The following THSD7B variants were observed in gnomAD, a reference collection of about 807,000 sequenced individuals.
The protein encoded by THSD7B is thrombospondin type-1 domain-containing protein 7B.
THSD7B carries 138 observed loss-of-function variants against 213.6 expected under a neutral mutation model. The observed-to-expected ratio is 0.65, with a 90% CI of 0.56 to 0.74. The LOEUF (loss-of-function observed/expected upper bound fraction) is 0.74, where lower values mean the gene tolerates loss of function less well. Ranked by LOEUF, THSD7B falls within the 30% of genes least tolerant of loss-of-function variation. THSD7B has a pLI of 0.00. For missense variants in THSD7B, 1,931 were observed against 1,991.5 expected (o/e 0.97, Z 0.58); for synonymous variants, 742 against 687.0 (o/e 1.08, Z -1.25).
At chr2:137,177,194 A>T (rs1680374731) in intron 7 of THSD7B, among the ~76,000 whole-genome samples, 1 of 152,208 alleles carries the variant, frequency 6.6e-6, no homozygotes, top group Non-Finnish European at 1.5e-5. Flanking sequence ...TGTTTTCCCT[A>T]TGAAAACATA....
chr2:137,124,067 C>T (rs768425523), intron 5 of THSD7B, among the ~76,000 whole-genome samples: 24 of 152,140 alleles, frequency 1.6e-4, no homozygotes, highest in Admixed American at 1.3e-3. Context: ...TCCAGTTGTT[C>T]GCATACACCT....
At chr2:137,075,099 G>A (rs148330432) in intron 3 of THSD7B, among the ~76,000 whole-genome samples, 44 of 152,178 alleles carry the variant, frequency 2.9e-4, no homozygotes, top group African/African-American at 5.3e-4. Flanking sequence ...TCTTTGTGGC[G>A]TTCTGTGTAT....
chr2:137,373,529 A>G (rs1685581466), intron 12 of THSD7B, among the ~76,000 whole-genome samples: 1 of 152,088 alleles, frequency 6.6e-6, no homozygotes, highest in African/African-American at 2.4e-5. Context: ...TCCTTCGCCC[A>G]CTTGTTGATG....
chr2:136,840,013 T>G (rs927554415), intron 1 of THSD7B, among the ~76,000 whole-genome samples: 16 of 152,146 alleles, frequency 1.1e-4, no homozygotes, highest in Non-Finnish European at 2.2e-4. Flanking sequence ...TAAAACCCAG[T>G]TTAGTAAAGG....
intron 15 of THSD7B, among the ~76,000 whole-genome samples, chr2:137,480,803 A>G (rs1688289518): frequency 6.6e-6 from 1 of 152,266 alleles, no homozygotes; most frequent in Admixed American, 6.5e-5. Flanking sequence ...TAAAAAAGAC[A>G]ACCTTGTAAA....
intron 15 of THSD7B, among the ~76,000 whole-genome samples, chr2:137,546,204 G>A (rs1680704891): frequency 2.0e-5 from 3 of 146,540 alleles, no homozygotes; most frequent in Admixed American, 1.4e-4. Flanking sequence ...TGATATTAAT[G>A]CATAATGCTG....
chr2:136,918,846 A>G (rs555661), intron 2 of THSD7B, among the ~76,000 whole-genome samples: 63,564 of 151,746 alleles, frequency 0.42, 15,093 homozygotes, highest in Non-Finnish European at 0.55. Context: ...TCTTTAATTC[A>G]ACATCTTTCC....
At chr2:136,881,245 G>C (rs1223127299) in intron 1 of THSD7B, among the ~76,000 whole-genome samples, 1 of 152,106 alleles carries the variant, frequency 6.6e-6, no homozygotes, top group Non-Finnish European at 1.5e-5. Context: ...ACTACTGTTA[G>C]AGCATCCCTT....
intron 21 of THSD7B, among the ~76,000 whole-genome samples, chr2:137,648,358 T>C (rs1337440784): frequency 2.7e-5 from 4 of 150,766 alleles, no homozygotes; most frequent in African/African-American, 9.8e-5. Context: ...TACCCATTAA[T>C]CAACCTGTCT....
At chr2:137,612,703 T>C (rs1573743110) in intron 17 of THSD7B, among the ~76,000 whole-genome samples, 1 of 152,136 alleles carries the variant, frequency 6.6e-6, no homozygotes, top group Non-Finnish European at 1.5e-5. Context: ...TTTTCTCTCT[T>C]GGCACCTCTT....
chr2:136,921,517 G>A (rs933652798), intron 2 of THSD7B, among the ~76,000 whole-genome samples: 3 of 151,990 alleles, frequency 2.0e-5, no homozygotes, highest in Admixed American at 6.6e-5. Flanking sequence ...GCTAAGCTAA[G>A]GAAGGTGGAA....
chr2:136,969,351 T>C (rs1189157043), intron 2 of THSD7B, among the ~76,000 whole-genome samples: 1 of 152,224 alleles, frequency 6.6e-6, no homozygotes, highest in Non-Finnish European at 1.5e-5. Context: ...TATTTCTAGA[T>C]CTGACTCTCT....
intron 2 of THSD7B, among the ~76,000 whole-genome samples, chr2:136,943,535 A>G (rs1243293199): frequency 6.6e-6 from 1 of 152,146 alleles, no homozygotes; most frequent in African/African-American, 2.4e-5. Context: ...TTGGTAAGCT[A>G]TTAATTATTG....
chr2:137,596,891 C>T (rs1297726072), intron 17 of THSD7B, among the ~76,000 whole-genome samples: 3 of 151,940 alleles, frequency 2.0e-5, no homozygotes, highest in Non-Finnish European at 4.4e-5. Flanking sequence ...CATAATGAGA[C>T]AAGATTATTA....
intron 15 of THSD7B, among the ~76,000 whole-genome samples, chr2:137,458,054 A>AC (rs1229959089): frequency 2.0e-5 from 3 of 152,050 alleles, no homozygotes; most frequent in African/African-American, 4.8e-5. Context: ...AAAAAAACAA[A>AC]AAAAAAGTTA....
rs537312038 is a variant in THSD7B at position 137,535,298 on chromosome 2, G to GA, written c.3139-27913dup. ...AGGAGGTATATGCTGGAACACATAT[G>GA]AAAAAAAAAAGCAAAGGTATTCATA... On this transcript the variant is annotated intron_variant, in intron 15 of 27. Transcript: ENST00000409968. Among the ~76,000 whole-genome samples the GA allele has an allele frequency of 5.7e-4, 83 of 145,242 alleles. 3 individuals carry two copies. In the South Asian group the frequency reaches 0.01, roughly 18 times the overall value.
chr2:137,332,832 G>C (rs1249062668), intron 12 of THSD7B, among the ~76,000 whole-genome samples: 3 of 152,180 alleles, frequency 2.0e-5, no homozygotes, highest in Non-Finnish European at 2.9e-5. Context: ...GTGAAGAGGT[G>C]CCTTCTGCCA....
At chr2:136,767,514 T>A (rs2104895360) in intron 1 of THSD7B, among the ~76,000 whole-genome samples, 2 of 150,778 alleles carry the variant, frequency 1.3e-5, no homozygotes, top group South Asian at 4.2e-4. Context: ...TTTCTTCATC[T>A]ACCTGCTGAG....
intron 15 of THSD7B, among the ~76,000 whole-genome samples, chr2:137,541,442 A>C (rs1680608292): frequency 6.6e-6 from 1 of 151,704 alleles, no homozygotes; most frequent in Non-Finnish European, 1.5e-5. Flanking sequence ...AATAATGGTA[A>C]ATATTCATGG....
Sources: allele counts gnomAD v4.1 joint callset (sites outside exome capture counted in the v4.1 genomes callset), GRCh38; gene constraint gnomAD v4.1.1; transcripts MANE v1.5; gene names NCBI Gene and HGNC (gene_info 2026-07-23, HGNC 2026-07-21).